Variants in CNGA3 observed in about 807,000 individuals in gnomAD.
CNGA3 encodes cyclic nucleotide gated channel subunit alpha 3, also known as cyclic nucleotide-gated channel alpha-3.
A neutral mutation model predicts 46.6 loss-of-function variants in CNGA3; 42 were observed. The ratio of observed to expected loss-of-function variants is 0.90; its 90% CI spans 0.70 to 1.17. CNGA3 has a LOEUF of 1.17. Among genes scored for constraint, CNGA3 ranks in the 50% most tolerant of loss-of-function variants. The pLI is 0.00. For missense variants in CNGA3, 893 were observed against 890.7 expected (o/e 1.00, Z -0.03); for synonymous variants, 394 against 369.4 (o/e 1.07, Z -0.76).
At chr2:98,369,495 T>C (rs1211350970) in intron 1 of CNGA3, among the ~76,000 whole-genome samples, 1 of 152,250 alleles carries the variant, frequency 6.6e-6, no homozygotes, top group African/African-American at 2.4e-5. Flanking sequence ...GTCCTTTTTT[T>C]ACATGTTGTC....
chr2:98,391,968 C>G lies in CNGA3; in HGVS notation c.671C>G (p.Thr224Arg). The stretch of plus-strand genomic sequence containing the variant: ...TTGGATGTGCTTGTACGAGCTCGGA[C>G]AGGTGAGTGTGCCCCAGGCCTGGGG... ...YVLDVLVRAR[T>R]GFLEQGLMVS... Residue 224 changes from threonine (T) to arginine (R), a missense_variant and splice_region_variant, in exon 7 of 8, where the codon ACA becomes AGA. Physicochemically the swap from Thr to Arg is moderately conservative, Grantham distance 71. Coordinates refer to ENST00000272602, the MANE Select transcript of CNGA3 (RefSeq NM_001298.3). 1.2e-6 allele frequency: 2 copies of G among 1,613,578 alleles called. No individual in the cohort carries two copies. The highest frequency in any genetic ancestry group is 1.7e-6 in the Non-Finnish European group (2 of 1,179,814).
At chr2:98,376,254 T>C (rs1483799237) in intron 2 of CNGA3, among the ~76,000 whole-genome samples, 2 of 152,084 alleles carry the variant, frequency 1.3e-5, no homozygotes, top group African/African-American at 2.4e-5. Flanking sequence ...AATAAAGTCT[T>C]CCCAGAGTCT....
intron 1 of CNGA3, among the ~76,000 whole-genome samples, chr2:98,347,663 C>A (rs1010884098): frequency 2.6e-5 from 4 of 152,192 alleles, no homozygotes; most frequent in African/African-American, 9.7e-5. Context: ...CCGGCTCAGG[C>A]CTCGCCGGAA....
At chr2:98,373,104 G>A (rs1201265537) in intron 2 of CNGA3, among the ~76,000 whole-genome samples, 1 of 152,176 alleles carries the variant, frequency 6.6e-6, no homozygotes, top group Non-Finnish European at 1.5e-5. Flanking sequence ...ATGACAGTGT[G>A]TACTCAGGAT....
At chr2:98,374,395 T>C (rs1351871348) in intron 2 of CNGA3, among the ~76,000 whole-genome samples, 1 of 152,196 alleles carries the variant, frequency 6.6e-6, no homozygotes, top group Non-Finnish European at 1.5e-5. Flanking sequence ...CATGGGATCT[T>C]AGAATAGCAG....
At chr2:98,383,948 G>A (rs1692592754) in intron 5 of CNGA3, among the ~76,000 whole-genome samples, 1 of 152,066 alleles carries the variant, frequency 6.6e-6, no homozygotes, top group Admixed American at 6.5e-5. Flanking sequence ...GTGCAGTGGC[G>A]CCATCTTGAC....
At chr2:98,366,315 C>T (rs543042392) in intron 1 of CNGA3, among the ~76,000 whole-genome samples, 1 of 152,328 alleles carries the variant, frequency 6.6e-6, no homozygotes, top group South Asian at 2.1e-4. Context: ...CTGATGCCGG[C>T]AAGAACGTGC....
intron 1 of CNGA3, among the ~76,000 whole-genome samples, chr2:98,351,801 T>A (rs1167699788): frequency 6.6e-6 from 1 of 152,230 alleles, no homozygotes; most frequent in Non-Finnish European, 1.5e-5. Flanking sequence ...GCTGATATTG[T>A]GAGTTTTGCA....
chr2:98,350,412 G>GA lies in CNGA3; in HGVS notation c.-38+3886dup, dbSNP rs200382049. Reference sequence around the variant, plus strand: ...TAATCACACCACAAAAGTTAATTAAGAAAAAAAACACTTTGCCTTCCATGC... The same window carrying GA: ...TAATCACACCACAAAAGTTAATTAAGAAAAAAAAACACTTTGCCTTCCATGC... On this transcript the variant is annotated intron_variant, in intron 1 of 7. Coordinates refer to ENST00000272602, the MANE Select transcript of CNGA3 (RefSeq NM_001298.3). 9.4e-4 allele frequency among the ~76,000 whole-genome samples: 143 copies of GA among 151,944 alleles called. 1 individual carries two copies. The highest frequency in any genetic ancestry group is 3.1e-3 in the African/African-American group (129 of 41,464).
chr2:98,361,199 C>T (rs1574362693), intron 1 of CNGA3, among the ~76,000 whole-genome samples: 1 of 152,022 alleles, frequency 6.6e-6, no homozygotes, highest in East Asian at 1.9e-4. Context: ...CTGGAGAGGC[C>T]CCAGTGTGTG....
intron 7 of CNGA3, among the ~76,000 whole-genome samples, chr2:98,393,589 C>T (rs72819959): frequency 0.011 from 1,610 of 152,288 alleles, 10 homozygotes; most frequent in Non-Finnish European, 0.014. Flanking sequence ...TCACCTGCCC[C>T]GCTGCTGCAG....
intron 1 of CNGA3, among the ~76,000 whole-genome samples, chr2:98,365,478 T>C (rs1456453955): frequency 2.0e-5 from 3 of 152,230 alleles, no homozygotes; most frequent in South Asian, 2.1e-4. Context: ...GAGGTTCTCC[T>C]GGATGATACC....
intron 5 of CNGA3, among the ~76,000 whole-genome samples, chr2:98,384,154 C>G (rs1330328398): frequency 1.3e-5 from 2 of 152,160 alleles, no homozygotes; most frequent in Non-Finnish European, 2.9e-5. Flanking sequence ...CTCCAAAGTG[C>G]TAGGATTACA....
intron 1 of CNGA3, among the ~76,000 whole-genome samples, 159 bp downstream of exon 1, chr2:98,346,693 G>A (rs868654283): frequency 2.0e-5 from 3 of 152,170 alleles, no homozygotes; most frequent in Middle Eastern, 3.4e-3. Context: ...CGCAGCCCCC[G>A]GTGCTGAAAC....
chr2:98,394,062 C>G (rs1692854842), intron 7 of CNGA3, among the ~76,000 whole-genome samples: 1 of 151,794 alleles, frequency 6.6e-6, no homozygotes, highest in Non-Finnish European at 1.5e-5. Flanking sequence ...ACTTGCTAGA[C>G]TTGCCCCCAA....
chr2:98,362,964 ATGTG>A (rs1391048274), intron 1 of CNGA3, among the ~76,000 whole-genome samples: 6 of 152,068 alleles, frequency 3.9e-5, no homozygotes, highest in African/African-American at 7.2e-5. Context: ...ATGGTTGTAG[ATGTG>A]TGGTCTTATT....
At chr2:98,388,831 G>A (rs987620262) in intron 5 of CNGA3, among the ~76,000 whole-genome samples, 1 of 152,214 alleles carries the variant, frequency 6.6e-6, no homozygotes, top group Non-Finnish European at 1.5e-5. Context: ...GAGTGACCTT[G>A]CACTTGCAGC....
Position 98,369,280 on chromosome 2 carries a change from C to T in CNGA3, c.-37-659C>T, listed in dbSNP as rs575147120. ...TTTTCTTAGTTACAATTTTTCAAGA[C>T]GATTTCACAAGGATTGTGCCACATT... On this transcript the variant is annotated intron_variant, in intron 1 of 7. Coordinates refer to ENST00000272602, the MANE Select transcript of CNGA3 (RefSeq NM_001298.3). Among the ~76,000 whole-genome samples, 13 of 152,324 alleles carry T rather than the reference C, an allele frequency of 8.5e-5. No individual in the cohort carries two copies. In the East Asian group the frequency reaches 1.9e-3, roughly 23 times the overall value.
At position 98,397,505 on chromosome 2, in the gene CNGA3, T is replaced by G; in HGVS notation, c.*250T>G. ...CTGCACCAGGCAGGGCTTTGCAAAG[T>G]GCAAGGTATCCCCAGTCCAAGTATA... is the stretch of plus-strand genomic sequence containing the variant. On this transcript the variant is annotated 3_prime_UTR_variant, in exon 8 of 8. Coordinates refer to ENST00000272602, the MANE Select transcript of CNGA3 (RefSeq NM_001298.3). The G allele has an allele frequency of 1.8e-6, 1 of 566,170 alleles. No homozygotes were observed. The highest frequency in any genetic ancestry group is 3.2e-6 in the Non-Finnish European group (1 of 316,458). 35.1% of individuals were successfully genotyped at this position (566,170 alleles called of 1,614,324 possible).
Sources: gnomAD v4.1 joint callset for allele counts (sites outside exome capture counted in the v4.1 genomes callset) on GRCh38, gnomAD v4.1.1 for gene constraint, MANE v1.5 for transcripts, NCBI Gene and HGNC (gene_info 2026-07-23, HGNC 2026-07-21) for gene names.